The following CFAP91 variants were observed in gnomAD, a reference collection of about 807,000 sequenced individuals.
CFAP91 encodes cilia- and flagella-associated protein 91.
A neutral mutation model predicts 95.9 loss-of-function variants in CFAP91; 85 were observed. The observed-to-expected ratio is 0.89, with a 90% CI of 0.74 to 1.06. CFAP91 has a LOEUF of 1.06. Among genes scored for constraint, CFAP91 ranks in the 50% least tolerant of loss-of-function variants. The pLI is 0.00. For synonymous variants in CFAP91, 335 were observed against 327.5 expected, an observed-to-expected ratio of 1.02 and a Z score of -0.25; for missense variants, 962 against 943.4, an observed-to-expected ratio of 1.02 and a Z score of -0.26.
chr3:119,737,323 T>G (rs763332430), intron 10 of CFAP91, 43 bp from the exon 11 acceptor site: 1 of 1,267,874 alleles, frequency 7.9e-7, no homozygotes, highest in East Asian at 2.4e-5. Context: ...TTTATGCAAA[T>G]TTTTGTTAAA....
At chr3:119,736,135 T>C (rs1232659503) in intron 10 of CFAP91, among the ~76,000 whole-genome samples, 24 of 152,130 alleles carry the variant, frequency 1.6e-4, no homozygotes, top group Admixed American at 1.6e-3. Context: ...TACAAATCTG[T>C]GCAACCATCA....
In CFAP91 at chr3:119,737,478, C is replaced by T; in HGVS notation, c.1457C>T (p.Ser486Phe). 1 of 1,581,430 alleles carries T rather than the reference C, an allele frequency of 6.3e-7. No homozygotes were observed. The highest frequency in any genetic ancestry group is 1.7e-4 in the Middle Eastern group (1 of 5,982). ...CCAACTCCAACCTTGGAAATGACGT[C>T]CAATGTAAGTTGGAAACTTTTTAGT... is the stretch of plus-strand genomic sequence containing the variant. ...RLPTPTLEMT[S>F]NEEEEMEMAV... The change falls in exon 11 of 18, where the codon TCC becomes TTC. Residue 486 changes from serine (S) to phenylalanine (F), a missense_variant. Physicochemically the swap from Ser to Phe is radical, Grantham distance 155. Transcript: ENST00000273390.
Position 119,726,357 on chromosome 3 carries a change from T to A in CFAP91, c.860+9T>A. On this transcript the variant is annotated intron_variant, in intron 7 of 17. Transcript: ENST00000273390. ...GAGCAGGAGATTGAAAAGTAGGTTC[T>A]CTATCACCCAGACAACTGTTCCTGC... 1 of 1,604,610 alleles carries A rather than the reference T, an allele frequency of 6.2e-7. No homozygotes were observed. The highest frequency in any genetic ancestry group is 8.5e-7 in the Non-Finnish European group (1 of 1,175,900).
intron 5 of CFAP91, among the ~76,000 whole-genome samples, chr3:119,712,324 C>T (rs1457504692): frequency 6.6e-6 from 1 of 152,122 alleles, no homozygotes; most frequent in Non-Finnish European, 1.5e-5. Context: ...CATTCTATTC[C>T]CTGACCCACC....
chr3:119,712,381 C>T (rs1454354133), intron 5 of CFAP91, among the ~76,000 whole-genome samples: 1 of 152,052 alleles, frequency 6.6e-6, no homozygotes. Flanking sequence ...GTTCATTAGG[C>T]CTTATTATAA....
At chr3:119,703,858 G>A (rs1376699188) in intron 1 of CFAP91, among the ~76,000 whole-genome samples, 1 of 152,094 alleles carries the variant, frequency 6.6e-6, no homozygotes. Context: ...ACCTATTCTA[G>A]TGCTGATACA....
At chr3:119,738,332 C>CATTTTTTTT (rs2054049607) in intron 11 of CFAP91, among the ~76,000 whole-genome samples, 1 of 23,040 alleles carries the variant, frequency 4.3e-5, no homozygotes, top group African/African-American at 9.7e-5. Context: ...GACATATTGT[C>CATTTTTTTT]TTTTTTTTTT....
chr3:119,740,816 CCCAT>C, intron 13 of CFAP91, 121 bp downstream of exon 13: 4 of 1,064,548 alleles, frequency 3.8e-6, no homozygotes, highest in Non-Finnish European at 5.5e-6. Flanking sequence ...GCCCCACAAT[CCCAT>C]CACTCTGTCA....
rs1176199259 is a variant in CFAP91, at chr3:119,751,075, C to T, written c.2282C>T (p.Thr761Ile). ...GCTGCCATGTTACTTGAGAAAGAAA[C>T]TCAAAATGAGAACAACAGCTAAGGT... is the stretch of plus-strand genomic sequence containing the variant. The part of the protein sequence containing the change: ...SNAAMLLEKE[T>I]QNENNS The change falls in exon 17 of 18, where the codon ACT (threonine) becomes ATT (isoleucine). Residue 761 changes from threonine to isoleucine, a missense_variant. Physicochemically the swap from Thr to Ile is moderately conservative, Grantham distance 89. Coordinates refer to ENST00000273390, the MANE Select transcript of CFAP91 (RefSeq NM_033364.4). 6.2e-7 allele frequency: 1 copy of T among 1,606,750 alleles called. No homozygotes were observed. Among genetic ancestry groups the T allele is most frequent in the Admixed American group, 1.7e-5 (1 of 58,236 alleles).
intron 10 of CFAP91, among the ~76,000 whole-genome samples, chr3:119,736,588 T>C (rs1285209453): frequency 1.3e-5 from 2 of 152,172 alleles, no homozygotes; most frequent in Admixed American, 1.3e-4. Context: ...TTCTACTTTC[T>C]TTTTATGGAT....
intron 6 of CFAP91, among the ~76,000 whole-genome samples, chr3:119,722,028 C>T (rs916705900): frequency 6.6e-6 from 1 of 151,706 alleles, no homozygotes; most frequent in Non-Finnish European, 1.5e-5. Flanking sequence ...GAAAAATTAG[C>T]CAAGTGTGGT....
At chr3:119,728,927 TCCA>T (rs1261450996) in intron 7 of CFAP91, among the ~76,000 whole-genome samples, 1 of 152,240 alleles carries the variant, frequency 6.6e-6, no homozygotes, top group Non-Finnish European at 1.5e-5. Flanking sequence ...TTATGCCTAT[TCCA>T]CCAGAACAGT....
chr3:119,740,881 G>A (rs1043994984), intron 13 of CFAP91, 186 bp downstream of exon 13: 1 of 656,602 alleles, frequency 1.5e-6, no homozygotes, highest in South Asian at 1.9e-5. Context: ...GTGTGATGGA[G>A]TTTCACTCTA....
chr3:119,723,777 A>G (rs533285846), intron 6 of CFAP91, among the ~76,000 whole-genome samples: 1 of 152,350 alleles, frequency 6.6e-6, no homozygotes, highest in Non-Finnish European at 1.5e-5. Flanking sequence ...GCCCTTCAGT[A>G]TCTTTATTTG....
At chr3:119,703,294 CTGGCCAGGGGCA>C (rs2053293313) in intron 1 of CFAP91, 72 bp downstream of exon 1, 1 of 1,582,868 alleles carries the variant, frequency 6.3e-7, no homozygotes, top group African/African-American at 1.3e-5. Context: ...ATGGTGGGAC[CTGGCCAGGGGCA>C]TGGCGAACGA....
In CFAP91 at chr3:119,704,309, A is replaced by G. The variant is rs1006281318; in HGVS notation, c.124+1087A>G. On this transcript the variant is annotated intron_variant, in intron 1 of 17. Coordinates refer to ENST00000273390, the MANE Select transcript of CFAP91 (RefSeq NM_033364.4). ...CTAAATGTTTCCATGTCCCTTGCTA[A>G]GAACAGAAATTCACTCAGAGTAGAT... is the stretch of plus-strand genomic sequence containing the variant. Among the ~76,000 whole-genome samples, 44 of 152,334 alleles carry G rather than the reference A, an allele frequency of 2.9e-4. 1 individual carries two copies. The highest frequency in any genetic ancestry group is 1.0e-3 in the African/African-American group (43 of 41,570).
chr3:119,716,465 C>T (rs1057268254), intron 6 of CFAP91, among the ~76,000 whole-genome samples: 1 of 152,196 alleles, frequency 6.6e-6, no homozygotes, highest in Non-Finnish European at 1.5e-5. Flanking sequence ...TACTTTCCCC[C>T]GCATTGTAAC....
At chr3:119,730,113 AT>A (rs1363008321) in intron 7 of CFAP91, 106 bp from the exon 8 acceptor site, 2 of 1,211,012 alleles carry the variant, frequency 1.7e-6, no homozygotes, top group East Asian at 4.7e-5. Context: ...TTGGCAATAC[AT>A]GAATATGATA....
chr3:119,760,671 A>C (rs1010955573), intron 17 of CFAP91, among the ~76,000 whole-genome samples: 6 of 151,842 alleles, frequency 4.0e-5, no homozygotes, highest in Admixed American at 3.9e-4. Context: ...AATTATAGCC[A>C]GTATTTTTTC....
Sources: gnomAD v4.1 joint callset for allele counts (sites outside exome capture counted in the v4.1 genomes callset) on GRCh38, gnomAD v4.1.1 for gene constraint, MANE v1.5 for transcripts, NCBI Gene and HGNC (gene_info 2026-07-23, HGNC 2026-07-21) for gene names.